Variants in LINGO3 observed in about 807,000 individuals in gnomAD.
The protein encoded by LINGO3 is leucine rich repeat and Ig domain containing 3, also known as leucine-rich repeat and immunoglobulin-like domain-containing nogo receptor-interacting protein 3.
For missense variants in LINGO3, 750 were observed against 867.7 expected (o/e 0.86, Z 1.70); for synonymous variants, 427 against 444.2 (o/e 0.96, Z 0.49).
the LINGO3 span, among the ~76,000 whole-genome samples, chr19:2,307,924 G>A: frequency 9.2e-5 from 14 of 152,120 alleles, no homozygotes; most frequent in African/African-American, 2.2e-4. Flanking sequence ...GGCAAGGAGC[G>A]ATGAGCCCGG....
downstream of LINGO3, among the ~76,000 whole-genome samples, chr19:2,289,333 A>G (rs147342950): frequency 1.4e-3 from 211 of 148,450 alleles, 1 homozygote; most frequent in African/African-American, 4.9e-3. Flanking sequence ...CCCGGGTGTG[A>G]GCTTTGCTCT....
the LINGO3 span, among the ~76,000 whole-genome samples, chr19:2,303,292 G>C: frequency 6.6e-6 from 1 of 152,176 alleles, no homozygotes; most frequent in Non-Finnish European, 1.5e-5. Context: ...TGAGAATCGT[G>C]CAGCCCAGCT....
downstream of LINGO3, among the ~76,000 whole-genome samples, chr19:2,288,965 GGGTGTGTGTCTCGGGTGTGAGCT>G (rs920705749): frequency 3.6e-5 from 2 of 55,648 alleles, no homozygotes; most frequent in African/African-American, 6.7e-4. This position sits in a 1 kb window ranked among gnomAD's most constrained non-coding sequence, Gnocchi z 6.5. Context: ...CTGGGTGTGA[GGGTGTGTGTCTCGGGTGTGAGCT>G]GTGTGTGTCC....
chr19:2,294,325 G>T (rs1055778766), upstream of LINGO3, among the ~76,000 whole-genome samples: 2 of 152,210 alleles, frequency 1.3e-5, no homozygotes, highest in Admixed American at 6.5e-5. This position sits in a 1 kb window ranked among gnomAD's most constrained non-coding sequence, Gnocchi z 4.3. Flanking sequence ...CCAGGAAGCC[G>T]GGAGAGGCAG....
Position 2,291,536 on chromosome 19 carries a change from C to A in LINGO3, c.241G>T (p.Glu81Ter). ...GCGTTCTCGCTCAGGTCCAGCTCCTCCAGCGCGGGCAGCGCGGCCAGGTCG... is the reference window on the plus strand; with the variant it reads ...GCGTTCTCGCTCAGGTCCAGCTCCTACAGCGCGGGCAGCGCGGCCAGGTCG... Residue 81 changes from glutamate to a stop codon, truncating the protein, a stop_gained, in exon 1 of 1, where the codon GAG (glutamate) becomes TAG (stop). Transcript: ENST00000585527. LOFTEE classifies it low-confidence loss of function (END_TRUNC). The A allele has an allele frequency of 6.2e-7, 1 of 1,603,604 alleles. No individual in the cohort carries two copies.
chr19:2,301,270 T>A, the LINGO3 span, among the ~76,000 whole-genome samples: 13 of 151,834 alleles, frequency 8.6e-5, no homozygotes, highest in East Asian at 9.7e-4. Flanking sequence ...TTTTTTTTTT[T>A]AATTTAAATA....
In LINGO3 at chr19:2,291,225, GCA is replaced by G; in HGVS notation, c.550_551del (p.Cys184GlnfsTer46). The G allele has an allele frequency of 1.9e-6, 3 of 1,611,296 alleles. No individual in the cohort carries two copies. Among genetic ancestry groups the G allele is most frequent in the Non-Finnish European group, 2.5e-6 (3 of 1,179,196 alleles). On this transcript the variant is annotated frameshift_variant, in exon 1 of 1. Transcript: ENST00000585527. LOFTEE classifies it low-confidence loss of function (END_TRUNC). Reference sequence around the variant, plus strand: ...ACTCCCCGGACAGAGCCGTGAGGTTGCAGCGCTCCAGGGTCAGCTCCTCCAGG... The same window carrying G: ...ACTCCCCGGACAGAGCCGTGAGGTTGGCGCTCCAGGGTCAGCTCCTCCAGG...
At chr19:2,305,126 G>A in the LINGO3 span, among the ~76,000 whole-genome samples, 1 of 152,134 alleles carries the variant, frequency 6.6e-6, no homozygotes, top group Admixed American at 6.6e-5. Context: ...ACTCATCAGG[G>A]TCATTGCAGT....
At chr19:2,288,456 G>A (rs1487990384), downstream of LINGO3, among the ~76,000 whole-genome samples, 2 of 152,172 alleles carry the variant, frequency 1.3e-5, no homozygotes, top group East Asian at 1.9e-4. The surrounding 1 kb of genome is among the most constrained non-coding windows in gnomAD (Gnocchi z 6.5). Context: ...CCGGCTCAGA[G>A]GTCATGTGTA....
At chr19:2,296,119 T>G (rs1284657955), upstream of LINGO3, among the ~76,000 whole-genome samples, 1 of 152,156 alleles carries the variant, frequency 6.6e-6, no homozygotes, top group Non-Finnish European at 1.5e-5. Flanking sequence ...TTTTTCTGGG[T>G]CATTCTCTCC....
At chr19:2,294,388 G>T (rs2025555271), upstream of LINGO3, among the ~76,000 whole-genome samples, 1 of 152,118 alleles carries the variant, frequency 6.6e-6, no homozygotes, top group Non-Finnish European at 1.5e-5. This position sits in a 1 kb window ranked among gnomAD's most constrained non-coding sequence, Gnocchi z 4.3. Flanking sequence ...CGGACACCTT[G>T]ATTTTGGACT....
chr19:2,296,048 A>T (rs73518452), upstream of LINGO3, among the ~76,000 whole-genome samples: 687 of 152,264 alleles, frequency 4.5e-3, 5 homozygotes, highest in African/African-American at 0.016. Context: ...CCTTAATCCC[A>T]ACCTGGGCAT....
chr19:2,290,781 C>A lies in LINGO3; in HGVS notation c.996G>T (p.Thr332=), dbSNP rs371889015. 2.1e-5 allele frequency: 34 copies of A among 1,612,708 alleles called. No individual in the cohort carries two copies. The East Asian group carries it at 2.5e-4, about 12-fold the overall frequency. Residue 332 remains threonine, a synonymous_variant, in exon 1 of 1, where the codon ACG becomes ACT. Transcript: ENST00000585527. The surrounding 1 kb of genome is among the most constrained non-coding windows in gnomAD (Gnocchi z 6.0). ...CCGAGTGGAAGGTGCTCTCCTCCAA[C>A]GTGGAGAGCAGGTTGTTGGAGAGGT...
Position 2,290,202 on chromosome 19 carries a change from G to A in LINGO3, c.1575C>T (p.Thr525=). ...CCATGGCGGTGGACACCAGGATGGTGGTGAGGTCGAGCGGCGCGCGCAGGG... is the reference window on the plus strand; with the variant it reads ...CCATGGCGGTGGACACCAGGATGGTAGTGAGGTCGAGCGGCGCGCGCAGGG... The change falls in exon 1 of 1, where the codon ACC becomes ACT. Residue 525 remains threonine, a synonymous_variant. Coordinates refer to ENST00000585527, the Ensembl canonical transcript of LINGO3. The surrounding 1 kb of genome is among the most constrained non-coding windows in gnomAD (Gnocchi z 6.0). 6.2e-7 allele frequency: 1 copy of A among 1,610,086 alleles called. No individual in the cohort carries two copies.
chr19:2,290,660 C>T lies in LINGO3; in HGVS notation c.1117G>A (p.Asp373Asn). 6.2e-7 allele frequency: 1 copy of T among 1,606,000 alleles called. No individual in the cohort carries two copies. Residue 373 changes from aspartate to asparagine, a missense_variant, in exon 1 of 1, where the codon GAC becomes AAC. Coordinates refer to ENST00000585527, the Ensembl canonical transcript of LINGO3. This position sits in a 1 kb window ranked among gnomAD's most constrained non-coding sequence, Gnocchi z 6.0. ...GTGGCGCAGGCCGGCAGCCGCCCGT[C>T]GAAGTTGAGGGTCTTGCGACGCTGC...
At chr19:2,302,060 GTTTTTTT>G in the LINGO3 span, among the ~76,000 whole-genome samples, 1 of 71,740 alleles carries the variant, frequency 1.4e-5, no homozygotes, top group African/African-American at 5.3e-5. Flanking sequence ...TTTGTGGGTA[GTTTTTTT>G]TTTTTTTTTT....
chr19:2,289,325 C>T (rs142132794), downstream of LINGO3, among the ~76,000 whole-genome samples: 281 of 151,238 alleles, frequency 1.9e-3, 2 homozygotes, highest in South Asian at 0.017. Context: ...GCGCCTGTCC[C>T]GGGTGTGAGC....
the LINGO3 span, among the ~76,000 whole-genome samples, chr19:2,306,050 CG>C: frequency 6.6e-6 from 1 of 152,372 alleles, no homozygotes; most frequent in African/African-American, 2.4e-5. Context: ...AGCCTGTACA[CG>C]GGGGGCCGTG....
downstream of LINGO3, among the ~76,000 whole-genome samples, chr19:2,287,382 G>C (rs978916655): frequency 5.3e-5 from 8 of 152,080 alleles, no homozygotes; most frequent in Non-Finnish European, 1.0e-4. This position sits in a 1 kb window ranked among gnomAD's most constrained non-coding sequence, Gnocchi z 4.5. Flanking sequence ...TCAATTCTGG[G>C]GGGCCCTTGG....
Sources: allele counts gnomAD v4.1 joint callset (sites outside exome capture counted in the v4.1 genomes callset), GRCh38; gene constraint gnomAD v4.1.1; non-coding constraint Gnocchi (gnomAD v3.1); transcripts MANE v1.5; gene names NCBI Gene and HGNC (gene_info 2026-07-23, HGNC 2026-07-21).